GRIN2A: variants seen among roughly 807,000 people sequenced by gnomAD.
GRIN2A encodes the protein glutamate receptor ionotropic, NMDA 2A.
A neutral mutation model predicts 113.4 loss-of-function variants in GRIN2A; 22 were observed. That is an observed-to-expected ratio of 0.19 (90% CI 0.14 to 0.28). The LOEUF is 0.28. Ranked by LOEUF, GRIN2A falls within the 10% of genes least tolerant of loss-of-function variation. The pLI is 1.00. For missense variants in GRIN2A, 1,502 were observed against 1,887.0 expected, an observed-to-expected ratio of 0.80 and a Z score of 3.78; for synonymous variants, 827 against 738.4, an observed-to-expected ratio of 1.12 and a Z score of -1.94.
intron 2 of GRIN2A, among the ~76,000 whole-genome samples, chr16:10,103,429 C>A (rs1346378863): frequency 6.6e-6 from 1 of 152,126 alleles, no homozygotes; most frequent in Non-Finnish European, 1.5e-5. Context: ...TTAAATGAGA[C>A]CAGAATAGAT....
intron 2 of GRIN2A, among the ~76,000 whole-genome samples, chr16:10,119,991 C>T (rs570817308): frequency 2.6e-5 from 4 of 152,126 alleles, no homozygotes; most frequent in African/African-American, 7.2e-5. Flanking sequence ...CATTGATGGG[C>T]GTTTAGGTGG....
chr16:9,999,657 C>T (rs1279269167), intron 2 of GRIN2A, among the ~76,000 whole-genome samples: 1 of 151,980 alleles, frequency 6.6e-6, no homozygotes, highest in African/African-American at 2.4e-5. Flanking sequence ...GGTTGATGAG[C>T]GCAGCAGACC....
chr16:10,165,249 T>C (rs1346567182), intron 2 of GRIN2A, among the ~76,000 whole-genome samples: 1 of 152,004 alleles, frequency 6.6e-6, no homozygotes, highest in East Asian at 1.9e-4. Context: ...CATGATAAAA[T>C]GTTAAGCAAA....
At chr16:10,072,946 C>CT (rs34432023) in intron 2 of GRIN2A, among the ~76,000 whole-genome samples, 45,776 of 104,068 alleles carry the variant, frequency 0.44, 10,570 homozygotes, top group Middle Eastern at 0.57. Flanking sequence ...ACAAGACCCC[C>CT]TTTTTTTTTT....
At chr16:9,976,215 A>G (rs113197366) in intron 2 of GRIN2A, among the ~76,000 whole-genome samples, 1 of 152,174 alleles carries the variant, frequency 6.6e-6, no homozygotes, top group East Asian at 1.9e-4. Flanking sequence ...AAAGCAAACC[A>G]TATCATTAAA....
chr16:10,128,113 A>C (rs11645379), intron 2 of GRIN2A, among the ~76,000 whole-genome samples: 1 of 152,084 alleles, frequency 6.6e-6, no homozygotes, highest in African/African-American at 2.4e-5. Flanking sequence ...ATTTTCATCC[A>C]TTGTTGCTGA....
chr16:10,058,986 T>C (rs1036575553), intron 2 of GRIN2A, among the ~76,000 whole-genome samples: 1 of 152,212 alleles, frequency 6.6e-6, no homozygotes, highest in African/African-American at 2.4e-5. Context: ...CACCTGGTGT[T>C]GGTACCCATG....
At chr16:9,803,585 C>A (rs140440079) in intron 10 of GRIN2A, among the ~76,000 whole-genome samples, 1 of 152,286 alleles carries the variant, frequency 6.6e-6, no homozygotes, top group African/African-American at 2.4e-5. Flanking sequence ...GCCAAAGGGG[C>A]TCACCAATTT....
intron 1 of GRIN2A, among the ~76,000 whole-genome samples, chr16:10,181,390 C>T (rs1383040946): frequency 6.6e-6 from 1 of 152,222 alleles, no homozygotes; most frequent in Non-Finnish European, 1.5e-5. Flanking sequence ...TACAGCCCCT[C>T]CCTAGCCTTT....
intron 10 of GRIN2A, among the ~76,000 whole-genome samples, chr16:9,805,808 C>T (rs539216408): frequency 7.9e-5 from 12 of 152,062 alleles, no homozygotes; most frequent in South Asian, 6.3e-4. Flanking sequence ...GGATCACCAC[C>T]GGGTACCCAT....
At chr16:9,977,299 G>A (rs3104706) in intron 2 of GRIN2A, among the ~76,000 whole-genome samples, 1 of 149,686 alleles carries the variant, frequency 6.7e-6, no homozygotes, top group African/African-American at 2.5e-5. Flanking sequence ...GAGCAAGGGA[G>A]GAAGGGGGGA....
At chr16:10,011,552 G>A (rs767206458) in intron 2 of GRIN2A, among the ~76,000 whole-genome samples, 11 of 152,160 alleles carry the variant, frequency 7.2e-5, no homozygotes, top group Admixed American at 3.3e-4. Flanking sequence ...GGTCAGGGCC[G>A]ATTCACTGAC....
rs189355495 is a variant in GRIN2A at position 10,049,209 on chromosome 16, G to T, written c.415-110658C>A. ...CAGAGTTTTGTTTTATGGATGGTGAGATGACAATGAAGAGATGGATTGCCT... is the reference window on the plus strand; with the variant it reads ...CAGAGTTTTGTTTTATGGATGGTGATATGACAATGAAGAGATGGATTGCCT... On this transcript the variant is annotated intron_variant, in intron 2 of 12. Coordinates refer to ENST00000330684, the MANE Select transcript of GRIN2A (RefSeq NM_001134407.3). 2.7e-3 allele frequency among the ~76,000 whole-genome samples: 405 copies of T among 152,160 alleles called. 3 individuals are homozygous for T. The highest frequency in any genetic ancestry group is 9.1e-3 in the African/African-American group (379 of 41,518).
At chr16:9,772,806 T>G (rs1423895663) in intron 11 of GRIN2A, among the ~76,000 whole-genome samples, 1 of 150,280 alleles carries the variant, frequency 6.7e-6, no homozygotes, top group Non-Finnish European at 1.5e-5. Flanking sequence ...CAGTCTGATA[T>G]AAGAAACATC....
intron 2 of GRIN2A, among the ~76,000 whole-genome samples, chr16:10,008,821 A>G (rs371274528): frequency 1.3e-5 from 2 of 152,232 alleles, no homozygotes; most frequent in African/African-American, 4.8e-5. Flanking sequence ...AGGTACCAAC[A>G]AATAATAATT....
At chr16:10,171,867 G>C (rs2050050146) in intron 2 of GRIN2A, among the ~76,000 whole-genome samples, 2 of 152,186 alleles carry the variant, frequency 1.3e-5, no homozygotes, top group Non-Finnish European at 2.9e-5. Flanking sequence ...TCCCATTTTA[G>C]AGATGAAGAC....
At position 10,148,407 on chromosome 16, in the gene GRIN2A, G is replaced by A. The variant is rs7198673; in HGVS notation, c.414+31591C>T. On this transcript the variant is annotated intron_variant, in intron 2 of 12. Coordinates refer to ENST00000330684, the MANE Select transcript of GRIN2A (RefSeq NM_001134407.3). ...CCATTTTAAATGAATTTTTTATTAC[G>A]AAAATTACCAAATATAAAAGAGTGG... Among the ~76,000 whole-genome samples the A allele has an allele frequency of 3.7e-3, 560 of 152,148 alleles. 6 individuals are homozygous for A. Among genetic ancestry groups the A allele is most frequent in the Middle Eastern group, 0.021 (6 of 292 alleles).
At chr16:10,058,723 G>T (rs1404594709) in intron 2 of GRIN2A, among the ~76,000 whole-genome samples, 1 of 152,162 alleles carries the variant, frequency 6.6e-6, no homozygotes, top group East Asian at 1.9e-4. Flanking sequence ...ATATGTTTAG[G>T]TATTTATGTA....
chr16:9,942,588 G>A (rs2044910200), intron 2 of GRIN2A, among the ~76,000 whole-genome samples: 1 of 152,126 alleles, frequency 6.6e-6, no homozygotes, highest in Non-Finnish European at 1.5e-5. Context: ...AGACCACACA[G>A]ACATCGTCAG....
Sources: allele counts gnomAD v4.1 joint callset (sites outside exome capture counted in the v4.1 genomes callset), GRCh38; gene constraint gnomAD v4.1.1; transcripts MANE v1.5; gene names NCBI Gene and HGNC (gene_info 2026-07-23, HGNC 2026-07-21).